LARGE1: variants seen among roughly 807,000 people sequenced by gnomAD.
LARGE1 encodes the protein xylosyl- and glucuronyltransferase LARGE1.
In LARGE1, 43 loss-of-function variants were observed where a neutral mutation model predicts 87.6. The ratio of observed to expected loss-of-function variants is 0.49; its 90% confidence interval spans 0.38 to 0.63. The LOEUF is 0.63. Ranked by LOEUF, LARGE1 falls within the 30% of genes least tolerant of loss-of-function variation. LARGE1 has a pLI of 0.00. For missense variants in LARGE1, 802 were observed against 1,000.2 expected (o/e 0.80, Z 2.67); for synonymous variants, 434 against 394.6 (o/e 1.10, Z -1.18).
intron 6 of LARGE1, among the ~76,000 whole-genome samples, chr22:33,497,068 TTTC>T (rs1355618803): frequency 7.3e-6 from 1 of 137,260 alleles, no homozygotes; most frequent in African/African-American, 2.8e-5. Flanking sequence ...TTTCTTTTCT[TTTC>T]TTTTTTTTTT....
At chr22:33,134,368 C>T in the LARGE1 span, among the ~76,000 whole-genome samples, 2 of 151,554 alleles carry the variant, frequency 1.3e-5, no homozygotes, top group Admixed American at 1.3e-4. Context: ...ACGCCATTCT[C>T]CTGCCTCAGC....
At chr22:33,236,532 C>A (rs1247408035) in intron 11 of LARGE1, among the ~76,000 whole-genome samples, 1 of 152,158 alleles carries the variant, frequency 6.6e-6, no homozygotes, top group East Asian at 1.9e-4. Context: ...CCAACATTTT[C>A]CCCTGGGTTA....
At chr22:33,878,690 TG>T (rs2064562470) in intron 1 of LARGE1, among the ~76,000 whole-genome samples, 1 of 152,166 alleles carries the variant, frequency 6.6e-6, no homozygotes, top group African/African-American at 2.4e-5. Flanking sequence ...CAGCTCTTCC[TG>T]GTGCTCAACA....
chr22:33,459,937 G>A (rs1377782540), intron 6 of LARGE1, among the ~76,000 whole-genome samples: 1 of 152,182 alleles, frequency 6.6e-6, no homozygotes, highest in Non-Finnish European at 1.5e-5. Context: ...CCTAGGCAAT[G>A]GGCAGATAAG....
the LARGE1 span, among the ~76,000 whole-genome samples, chr22:33,149,170 G>A: frequency 6.6e-6 from 1 of 151,234 alleles, no homozygotes; most frequent in Admixed American, 6.6e-5. Flanking sequence ...CCGAGTAGCT[G>A]GGACTACAGG....
chr22:33,445,719 G>A (rs1044051405), intron 6 of LARGE1, among the ~76,000 whole-genome samples: 4 of 149,428 alleles, frequency 2.7e-5, no homozygotes, highest in African/African-American at 7.4e-5. Flanking sequence ...GCGGGATCTC[G>A]GCTCACTGCA....
intron 11 of LARGE1, among the ~76,000 whole-genome samples, chr22:33,233,258 A>C (rs1420926155): frequency 1.3e-5 from 2 of 152,114 alleles, no homozygotes; most frequent in Non-Finnish European, 2.9e-5. Flanking sequence ...GGTTGTTAGC[A>C]GCCTAGGTGG....
intron 6 of LARGE1, among the ~76,000 whole-genome samples, chr22:33,464,890 C>T (rs1314491185): frequency 2.4e-5 from 3 of 122,536 alleles, no homozygotes; most frequent in African/African-American, 8.3e-5. Context: ...CATGCACACA[C>T]ATACACACAC....
intron 9 of LARGE1, among the ~76,000 whole-genome samples, chr22:33,341,964 G>A (rs916160736): frequency 1.3e-5 from 2 of 152,200 alleles, no homozygotes; most frequent in Non-Finnish European, 2.9e-5. Flanking sequence ...CAAGCACTCC[G>A]CATTCAGGAG....
At position 33,312,065 on chromosome 22, in the gene LARGE1, T is replaced by C. The variant is rs571831816; in HGVS notation, c.1451+4020A>G. Among the ~76,000 whole-genome samples the C allele has an allele frequency of 7.9e-5, 12 of 152,320 alleles. No individual in the cohort carries two copies. In the East Asian group the frequency reaches 2.3e-3, roughly 29 times the overall value. Reference sequence around the variant, plus strand: ...ATCATTCTGGGAGCCTCTGAATGTATGTCAGGACTAAGCACTGGCACGCCT... The same window carrying C: ...ATCATTCTGGGAGCCTCTGAATGTACGTCAGGACTAAGCACTGGCACGCCT... On this transcript the variant is annotated intron_variant, in intron 11 of 14. Transcript: ENST00000397394.
intron 9 of LARGE1, among the ~76,000 whole-genome samples, chr22:33,367,722 C>T (rs763956199): frequency 3.7e-4 from 56 of 152,256 alleles, no homozygotes; most frequent in South Asian, 1.2e-3. Context: ...TCACCAGGCC[C>T]GGCCAACTCT....
intron 4 of LARGE1, among the ~76,000 whole-genome samples, chr22:33,609,609 T>C (rs1252787025): frequency 2.0e-5 from 3 of 152,204 alleles, no homozygotes; most frequent in African/African-American, 4.8e-5. Context: ...CACTGACATA[T>C]GGATTTTTTT....
At chr22:33,542,390 T>C (rs753744894) in intron 6 of LARGE1, among the ~76,000 whole-genome samples, 1 of 151,890 alleles carries the variant, frequency 6.6e-6, no homozygotes, top group Non-Finnish European at 1.5e-5. Flanking sequence ...TCTCCATTCC[T>C]GCCTTGGACA....
At chr22:33,229,340 T>A (rs1204123809) in intron 11 of LARGE1, among the ~76,000 whole-genome samples, 1 of 152,074 alleles carries the variant, frequency 6.6e-6, no homozygotes, top group East Asian at 1.9e-4. Context: ...AAAATTAGCA[T>A]CTCACAAACT....
intron 6 of LARGE1, among the ~76,000 whole-genome samples, chr22:33,531,319 AGCTAATTTTTGTATTTTTAGTAGAG>A (rs754573308): frequency 0.029 from 4,344 of 152,030 alleles, 87 homozygotes; most frequent in South Asian, 0.076. Context: ...CACCATGCCC[AGCTAATTTTTGTATTTTTAGTAGAG>A]ACAGGGTTTC....
At chr22:33,585,918 C>T (rs1355264711) in intron 5 of LARGE1, among the ~76,000 whole-genome samples, 1 of 152,206 alleles carries the variant, frequency 6.6e-6, no homozygotes, top group African/African-American at 2.4e-5. Flanking sequence ...AGGCTGGTCT[C>T]AAACTCCCGA....
exon 12 of LARGE1, chr22:33,165,207 G>C (rs1158119667): frequency 1.3e-5 from 2 of 152,140 alleles, no homozygotes; most frequent in African/African-American, 4.8e-5. Flanking sequence ...GAACTTCGGG[G>C]ATAGATCCTG....
chr22:33,134,136 G>A, the LARGE1 span, among the ~76,000 whole-genome samples: 1 of 151,988 alleles, frequency 6.6e-6, no homozygotes, highest in Non-Finnish European at 1.5e-5. Context: ...TAACTTCCCC[G>A]TAAACCAGCA....
chr22:33,498,950 G>C (rs2070295655), intron 6 of LARGE1, among the ~76,000 whole-genome samples: 1 of 151,972 alleles, frequency 6.6e-6, no homozygotes, highest in Non-Finnish European at 1.5e-5. Context: ...CCAGCCTGGG[G>C]AACAGAGGGA....
Sources: gnomAD v4.1 joint callset for allele counts (sites outside exome capture counted in the v4.1 genomes callset) on GRCh38, gnomAD v4.1.1 for gene constraint, MANE v1.5 for transcripts, NCBI Gene and HGNC (gene_info 2026-07-23, HGNC 2026-07-21) for gene names.